The following RLIM variants were observed in gnomAD, a reference collection of about 807,000 sequenced individuals.
The protein encoded by RLIM is E3 ubiquitin-protein ligase RLIM.
A neutral mutation model predicts 34.0 loss-of-function variants in RLIM; 2 were observed. That is an observed-to-expected ratio of 0.06 (90% CI 0.02 to 0.19). The LOEUF (loss-of-function observed/expected upper bound fraction) is 0.19. Ranked by LOEUF, RLIM falls within the 10% of genes least tolerant of loss-of-function variation. RLIM has a pLI of 1.00. For missense variants in RLIM, 286 were observed against 479.7 expected, an observed-to-expected ratio of 0.60 and a Z score of 3.77; for synonymous variants, 169 against 164.0, an observed-to-expected ratio of 1.03 and a Z score of -0.23.
intron 1 of RLIM, among the ~76,000 whole-genome samples, chrX:74,599,864 C>T (rs1426209887): frequency 9.0e-6 from 1 of 111,317 alleles, no homozygotes; most frequent in Admixed American, 9.6e-5. Flanking sequence ...CCCACATACA[C>T]CCACACACAA....
chrX:74,608,135 T>C (rs1282380721), intron 1 of RLIM, among the ~76,000 whole-genome samples: 3 of 112,099 alleles, frequency 2.7e-5, no homozygotes, highest in East Asian at 5.6e-4. Flanking sequence ...TGTAACTTGG[T>C]TATGTGGATT....
chrX:74,584,465 G>A lies in RLIM; in HGVS notation c.*6975C>T, dbSNP rs1212737884. ...ATGCAAGGCCTTATAGTTAAATCTT[G>A]TCTAAATTCAAAGACCTCAAAGAAA... is the stretch of plus-strand genomic sequence containing the variant. On this transcript the variant is annotated 3_prime_UTR_variant, in exon 4 of 4. Coordinates refer to ENST00000332687, the MANE Select transcript of RLIM (RefSeq NM_016120.4). 8.9e-6 allele frequency among the ~76,000 whole-genome samples: 1 copy of A among 112,225 alleles called. No individual in the cohort carries two copies. Among genetic ancestry groups the A allele is most frequent in the Non-Finnish European group, 1.9e-5 (1 of 53,243 alleles).
Position 74,591,906 on chromosome X carries a change from C to A in RLIM, c.1409G>T (p.Ser470Ile), listed in dbSNP as rs1219426051. The A allele has an allele frequency of 1.7e-6, 2 of 1,187,071 alleles. No homozygotes were observed. ...SSSSSSSSSS[S>I]SSSSSSPSSS... is the part of the protein sequence containing the mutation. ...ACTAGGACTGGAACTGGAACTTGAA[C>A]TGGAACTGGAACTCGAACTGGAACT... Residue 470 changes from serine to isoleucine, a missense_variant, in exon 4 of 4, where the codon AGT becomes ATT. Ser to Ile is a moderately radical substitution (Grantham distance 142). Coordinates refer to ENST00000332687, the MANE Select transcript of RLIM (RefSeq NM_016120.4).
At chrX:74,604,594 TAA>T (rs977935207) in intron 1 of RLIM, among the ~76,000 whole-genome samples, 2 of 111,809 alleles carry the variant, frequency 1.8e-5, no homozygotes, top group African/African-American at 6.5e-5. Flanking sequence ...ATGGGATAGA[TAA>T]GTCTTTCCTA....
chrX:74,609,903 T>C (rs992450638), intron 1 of RLIM, among the ~76,000 whole-genome samples: 34 of 111,999 alleles, frequency 3.0e-4, no homozygotes, highest in Admixed American at 5.7e-4. Flanking sequence ...GAAAAAAATT[T>C]TAAACATCAA....
rs1354116939 is a variant in RLIM, at chrX:74,588,053, T to C, written c.*3387A>G. The C allele has an allele frequency of 1.8e-5, 2 of 112,867 alleles. No individual in the cohort carries two copies. The allele number at this position is 112,867 out of a possible 1,213,427, so 9.3% of individuals were successfully genotyped here. A position where few individuals can be genotyped will look rare whatever the true frequency, so the allele number is the denominator to read the frequency against. On this transcript the variant is annotated 3_prime_UTR_variant, in exon 4 of 4. Transcript: ENST00000332687. ...TCCATTAACACCATTAAGGTGTAACTAACATGTTCTTTTCAGAGCAAATAT... is the reference window on the plus strand; with the variant it reads ...TCCATTAACACCATTAAGGTGTAACCAACATGTTCTTTTCAGAGCAAATAT...
At chrX:74,612,881 T>C (rs954349384) in intron 1 of RLIM, among the ~76,000 whole-genome samples, 3 of 111,826 alleles carry the variant, frequency 2.7e-5, no homozygotes, top group African/African-American at 9.7e-5. Flanking sequence ...AAATAAGCCT[T>C]TCCTTATCAG....
At position 74,584,900 on chromosome X, in the gene RLIM, A is replaced by C. The variant is rs1931308972; in HGVS notation, c.*6540T>G. ...GGGAAGGTCATGAGTTGAAGAGCTG[A>C]CTACATCAAAACTATCCTGAGAAAC... On this transcript the variant is annotated 3_prime_UTR_variant, in exon 4 of 4. Transcript: ENST00000332687. 8.9e-6 allele frequency among the ~76,000 whole-genome samples: 1 copy of C among 112,259 alleles called. No individual in the cohort carries two copies. Among genetic ancestry groups the C allele is most frequent in the African/African-American group, 3.2e-5 (1 of 30,894 alleles).
intron 2 of RLIM, among the ~76,000 whole-genome samples, chrX:74,595,518 TAGTA>T (rs1482599197): frequency 2.7e-5 from 3 of 111,725 alleles, no homozygotes; most frequent in Admixed American, 9.5e-5. Context: ...GATTCTTATC[TAGTA>T]AGTTAGATAA....
intron 3 of RLIM, among the ~76,000 whole-genome samples, chrX:74,594,078 G>A (rs956337671): frequency 8.9e-6 from 1 of 111,922 alleles, no homozygotes; most frequent in Non-Finnish European, 1.9e-5. Context: ...ACATTTAAAT[G>A]GGCCATTTCT....
intron 1 of RLIM, among the ~76,000 whole-genome samples, chrX:74,608,815 A>G (rs1207360900): frequency 8.9e-6 from 1 of 112,430 alleles, no homozygotes; most frequent in African/African-American, 3.2e-5. Flanking sequence ...GACCATGCCA[A>G]ATGCGGTTGA....
At position 74,589,604 on chromosome X, in the gene RLIM, T is replaced by C. The variant is rs1487588515; in HGVS notation, c.*1836A>G. On this transcript the variant is annotated 3_prime_UTR_variant, in exon 4 of 4. Transcript: ENST00000332687. ...AGAAGAAATCATGGAAGAGTGAGCTTTGAAATAATCTTTACAGCTAAGTTG... is the reference window on the plus strand; with the variant it reads ...AGAAGAAATCATGGAAGAGTGAGCTCTGAAATAATCTTTACAGCTAAGTTG... The C allele has an allele frequency of 8.9e-6, 1 of 112,292 alleles. No individual in the cohort carries two copies. Among genetic ancestry groups the C allele is most frequent in the Non-Finnish European group, 1.9e-5 (1 of 53,246 alleles). The allele number at this position is 112,292 out of a possible 1,213,427, so 9.3% of individuals were successfully genotyped here. A position where few individuals can be genotyped will look rare whatever the true frequency, so the allele number is the denominator to read the frequency against.
rs1234846960 is a variant in RLIM, at chrX:74,595,963, A to C, written c.15T>G (p.Asp5Glu). The C allele has an allele frequency of 5.9e-6, 7 of 1,184,190 alleles. No individual in the cohort carries two copies. The highest frequency in any genetic ancestry group is 7.9e-6 in the Non-Finnish European group (7 of 884,112). Reference protein sequence around the residue: MENSDSNDKGSGDQS... With the variant: MENSESNDKGSGDQS... ...GATCACCACTTCCTTTGTCATTGGA[A>C]TCTGAGTTTTCCATATTGATGAACA... Residue 5 changes from aspartate (D) to glutamate (E), a missense_variant, in exon 2 of 4, where the codon GAT (aspartate) becomes GAG (glutamate). Transcript: ENST00000332687.
At chrX:74,605,786 C>T (rs2079679855) in intron 1 of RLIM, among the ~76,000 whole-genome samples, 1 of 111,776 alleles carries the variant, frequency 8.9e-6, no homozygotes, top group African/African-American at 3.3e-5. Context: ...ATTTACATAG[C>T]CCTTACACCT....
rs1931308870 is a variant in RLIM, at chrX:74,584,892, A to C, written c.*6548T>G. Among the ~76,000 whole-genome samples the C allele has an allele frequency of 8.9e-6, 1 of 112,256 alleles. No homozygotes were observed. The highest frequency in any genetic ancestry group is 9.5e-5 in the Admixed American group (1 of 10,515). On this transcript the variant is annotated 3_prime_UTR_variant, in exon 4 of 4. Coordinates refer to ENST00000332687, the MANE Select transcript of RLIM (RefSeq NM_016120.4). The stretch of plus-strand genomic sequence containing the variant: ...AAAACCTTGGGAAGGTCATGAGTTG[A>C]AGAGCTGACTACATCAAAACTATCC...
chrX:74,611,133 A>G (rs1386681774), intron 1 of RLIM, among the ~76,000 whole-genome samples: 1 of 111,765 alleles, frequency 8.9e-6, no homozygotes, highest in Non-Finnish European at 1.9e-5. Context: ...TGTTAAAGAA[A>G]AACCTGTCCA....
rs1278333970 is a variant in RLIM, at chrX:74,591,981, C to G, written c.1334G>C (p.Gly445Ala). The G allele has an allele frequency of 5.0e-6, 6 of 1,209,929 alleles. No individual in the cohort carries two copies. The highest frequency in any genetic ancestry group is 5.6e-6 in the Non-Finnish European group (5 of 895,254). ...ACTACCACCACCAGAACCTCCTCTT[C>G]CACTCCGTGACTCTGCCCTTTCCAT... ...RNMERAESRS[G>A]RGGSGGGSSS... Residue 445 changes from glycine (G) to alanine (A), a missense_variant, in exon 4 of 4, where the codon GGA becomes GCA. Around this residue, in one of 6 missense-constraint regions of RLIM, gnomAD observed 69 missense variants for 83.5 expected, o/e 0.83. Coordinates refer to ENST00000332687, the MANE Select transcript of RLIM (RefSeq NM_016120.4).
chrX:74,604,466 G>A lies in RLIM; in HGVS notation c.-23-8466C>T, dbSNP rs191867290. ...GTAAGATAGAGAAATCCCAAATAGGGAGAGTTTCAAATGTCCCCAATATAT... is the reference window on the plus strand; with the variant it reads ...GTAAGATAGAGAAATCCCAAATAGGAAGAGTTTCAAATGTCCCCAATATAT... On this transcript the variant is annotated intron_variant, in intron 1 of 3. Coordinates refer to ENST00000332687, the MANE Select transcript of RLIM (RefSeq NM_016120.4). Among the ~76,000 whole-genome samples, 814 of 107,625 alleles carry A rather than the reference G, an allele frequency of 7.6e-3. 4 individuals are homozygous for A. Among genetic ancestry groups the A allele is most frequent in the Non-Finnish European group, 0.013 (679 of 53,081 alleles). The allele number at this position is 107,625 out of a possible 115,157, so 93.5% of individuals were successfully genotyped here.
Position 74,592,995 on chromosome X carries a change from T to C in RLIM, c.320A>G (p.Gln107Arg). The change falls in exon 4 of 4, where the codon CAA (glutamine) becomes CGA (arginine). Residue 107 changes from glutamine (Q) to arginine (R), a missense_variant. Physicochemically the swap from Gln to Arg is conservative, Grantham distance 43 (BLOSUM62 1). Coordinates refer to ENST00000332687, the MANE Select transcript of RLIM (RefSeq NM_016120.4). ...CCCACTTCTTGTTGTATTTCCAGTT[T>C]GTCTGACAGAGTTAAGCCAGTCTAT... ...SIIDWLNSVRQTGNTTRSGQR... is the reference protein window; with the variant it reads ...SIIDWLNSVRRTGNTTRSGQR... 8.3e-7 allele frequency: 1 copy of C among 1,209,390 alleles called. No individual in the cohort carries two copies. The highest frequency in any genetic ancestry group is 1.1e-6 in the Non-Finnish European group (1 of 893,291).
Sources: allele counts gnomAD v4.1 joint callset (sites outside exome capture counted in the v4.1 genomes callset), GRCh38; gene constraint gnomAD v4.1.1; regional missense constraint gnomAD v4.1.1; transcripts MANE v1.5; gene names NCBI Gene and HGNC (gene_info 2026-07-23, HGNC 2026-07-21).